The following KDM5A variants were observed in gnomAD, a reference collection of about 807,000 sequenced individuals.
KDM5A encodes the protein lysine demethylase 5A.
In KDM5A, 42 loss-of-function variants were observed where a neutral mutation model predicts 193.5. That is an observed-to-expected ratio of 0.22 (90% CI 0.17 to 0.28). The LOEUF (loss-of-function observed/expected upper bound fraction) is 0.28. Among genes scored for constraint, KDM5A ranks in the 10% least tolerant of loss-of-function variants. The probability of loss-of-function intolerance (pLI) is 1.00; values close to 1 mark genes in which losing one functional copy is unlikely to be tolerated. For missense variants in KDM5A, 1,692 were observed against 2,055.1 expected (o/e 0.82, Z 3.42); for synonymous variants, 796 against 718.1 (o/e 1.11, Z -1.73).
In KDM5A at chr12:307,096, A is replaced by C; in HGVS notation, c.3931-7T>G. The C allele has an allele frequency of 2.5e-6, 4 of 1,614,170 alleles. No individual in the cohort carries two copies. Among genetic ancestry groups the C allele is most frequent in the Non-Finnish European group, 3.4e-6 (4 of 1,180,014 alleles). On this transcript the variant is annotated splice_region_variant and splice_polypyrimidine_tract_variant and intron_variant, in intron 23 of 27. Transcript: ENST00000399788. The surrounding 1 kb of genome is among the most constrained non-coding windows in gnomAD (Gnocchi z 4.3). Reference sequence around the variant, plus strand: ...GGAAACTAGGTAAGTGTCCCTAAACAACAAATAATTCCAAGATGAACAGCA... The same window carrying C: ...GGAAACTAGGTAAGTGTCCCTAAACCACAAATAATTCCAAGATGAACAGCA...
chr12:323,210 C>CAAAAAAAAA lies in KDM5A; in HGVS notation c.2151-13_2151-5dup, dbSNP rs60377454. On this transcript the variant is annotated splice_region_variant and splice_polypyrimidine_tract_variant and intron_variant, in intron 15 of 27. Transcript: ENST00000399788. Reference sequence around the variant, plus strand: ...GTCTTCTAATGGGTAGCGATATCTACAAAAAAAAAAAAAAAAAAAAAAAAA... The same window carrying CAAAAAAAAA: ...GTCTTCTAATGGGTAGCGATATCTACAAAAAAAAAAAAAAAAAAAAAAAAAAAAAAAAAA... The CAAAAAAAAA allele has an allele frequency of 6.3e-3, 1,862 of 296,818 alleles. 75 individuals carry two copies. The highest frequency in any genetic ancestry group is 0.015 in the Admixed American group (117 of 7,906). The allele number at this position is 296,818 out of a possible 1,614,324, so 18.4% of individuals were successfully genotyped here.
In KDM5A at chr12:389,229, C is replaced by T; in HGVS notation, c.-138G>A. The T allele has an allele frequency of 2.4e-6, 2 of 845,566 alleles. No homozygotes were observed. Among genetic ancestry groups the T allele is most frequent in the Non-Finnish European group, 4.0e-6 (2 of 497,780 alleles). The allele number at this position is 845,566 out of a possible 1,614,324, so 52.4% of individuals were successfully genotyped here. ...GGACAAGAACCGTTCAACACAGAAACCCCAGAATCGCTTCCTCCTCCCGTT... is the reference window on the plus strand; with the variant it reads ...GGACAAGAACCGTTCAACACAGAAATCCCAGAATCGCTTCCTCCTCCCGTT... On this transcript the variant is annotated 5_prime_UTR_variant, in exon 1 of 28. Coordinates refer to ENST00000399788, the MANE Select transcript of KDM5A (RefSeq NM_001042603.3).
intron 14 of KDM5A, among the ~76,000 whole-genome samples, chr12:326,886 A>G (rs1033366716): frequency 7.3e-5 from 11 of 150,662 alleles, no homozygotes; most frequent in Middle Eastern, 3.4e-3. Flanking sequence ...AAAAAAAAAA[A>G]AAAAAGAAAA....
chr12:344,508 G>A (rs557315478), intron 10 of KDM5A, among the ~76,000 whole-genome samples: 12 of 152,326 alleles, frequency 7.9e-5, no homozygotes, highest in African/African-American at 2.4e-4. Flanking sequence ...GTTAAGGGCA[G>A]CCAGAGAGAA....
chr12:381,532 G>C (rs1353231576), intron 3 of KDM5A, among the ~76,000 whole-genome samples: 2 of 152,002 alleles, frequency 1.3e-5, no homozygotes, highest in African/African-American at 4.8e-5. Flanking sequence ...TTTCAAAAAA[G>C]CATTCTTAAG....
intron 3 of KDM5A, 92 bp from the exon 4 acceptor site, chr12:366,196 G>C: frequency 1.8e-6 from 2 of 1,127,824 alleles, no homozygotes; most frequent in Admixed American, 4.2e-5. Flanking sequence ...AAATTATTCA[G>C]GGCTTAAATT....
intron 3 of KDM5A, among the ~76,000 whole-genome samples, chr12:367,638 G>A (rs547846292): frequency 6.6e-6 from 1 of 152,064 alleles, no homozygotes. Flanking sequence ...GGAGGCAAAG[G>A]TTGCAGTTAG....
In KDM5A at chr12:331,720, C is replaced by T. The variant is rs1283024575; in HGVS notation, c.1773+99G>A. 4 of 1,368,552 alleles carry T rather than the reference C, an allele frequency of 2.9e-6. No homozygotes were observed. In the Admixed American group the frequency reaches 6.8e-5, roughly 23 times the overall value. The allele number at this position is 1,368,552 out of a possible 1,614,324, so 84.8% of individuals were successfully genotyped here. A position where few individuals can be genotyped will look rare whatever the true frequency, so the allele number is the denominator to read the frequency against. Reference sequence around the variant, plus strand: ...CAGTCTCCACTAAAATACTGATGAACCCGACCCTGAGCCCAGCTAAGCAAA... The same window carrying T: ...CAGTCTCCACTAAAATACTGATGAATCCGACCCTGAGCCCAGCTAAGCAAA... On this transcript the variant is annotated intron_variant, in intron 13 of 27. Transcript: ENST00000399788.
chr12:358,526 T>A (rs1798903221), intron 5 of KDM5A, among the ~76,000 whole-genome samples: 1 of 152,218 alleles, frequency 6.6e-6, no homozygotes, highest in South Asian at 2.1e-4. Context: ...ATATGCCATA[T>A]CTAAGTACTT....
intron 13 of KDM5A, among the ~76,000 whole-genome samples, chr12:330,085 G>GTGTGTGTGTGTGTGTATATATATATA (rs377271333): frequency 3.1e-3 from 425 of 139,326 alleles, no homozygotes; most frequent in Middle Eastern, 7.2e-3. Flanking sequence ...GTGTGTGTGT[G>GTGTGTGTGTGTGTGTATATATATATA]TATATATATA....
In KDM5A at chr12:375,348, T is replaced by C. The variant is rs181195863; in HGVS notation, c.366+8683A>G. The stretch of plus-strand genomic sequence containing the variant: ...GATCTTCAATCACTGATACCCTTTC[T>C]TCCAAATGATCAAATTGGCTACTGA... On this transcript the variant is annotated intron_variant, in intron 3 of 27. Coordinates refer to ENST00000399788, the MANE Select transcript of KDM5A (RefSeq NM_001042603.3). 1.1e-3 allele frequency among the ~76,000 whole-genome samples: 169 copies of C among 152,372 alleles called. 2 individuals are homozygous for C. The highest frequency in any genetic ancestry group is 3.6e-3 in the Admixed American group (55 of 15,300).
At chr12:353,718 C>T (rs768077862) in intron 8 of KDM5A, among the ~76,000 whole-genome samples, 3 of 151,862 alleles carry the variant, frequency 2.0e-5, no homozygotes, top group Non-Finnish European at 2.9e-5. Context: ...GTCAAGAGAC[C>T]GAGACTATCC....
At chr12:325,729 C>T (rs921301933) in intron 14 of KDM5A, among the ~76,000 whole-genome samples, 7 of 149,768 alleles carry the variant, frequency 4.7e-5, no homozygotes, top group African/African-American at 7.4e-5. Context: ...ATGAAGGAAA[C>T]GAGGCCAGGT....
chr12:306,851 T>G, intron 24 of KDM5A, 95 bp downstream of exon 24: 1 of 1,199,002 alleles, frequency 8.3e-7, no homozygotes, highest in Non-Finnish European at 1.2e-6. Context: ...CTCTTTCACT[T>G]TCAGGCCTCA....
At chr12:286,191 G>A (rs751325063) in intron 27 of KDM5A, 5 of 506,198 alleles carry the variant, frequency 9.9e-6, no homozygotes, top group Admixed American at 2.1e-5. Flanking sequence ...CTCTTCTTCC[G>A]TTACAAATAC....
intron 3 of KDM5A, among the ~76,000 whole-genome samples, chr12:378,188 C>A (rs1233838087): frequency 2.0e-5 from 3 of 151,966 alleles, no homozygotes; most frequent in African/African-American, 7.3e-5. Flanking sequence ...AAATCAGAAA[C>A]AGCTAAAAGA....
chr12:345,643 T>C (rs944063465), intron 10 of KDM5A, among the ~76,000 whole-genome samples: 1 of 152,062 alleles, frequency 6.6e-6, no homozygotes, highest in African/African-American at 2.4e-5. Context: ...CATGGAAACT[T>C]AACAACCTGC....
Position 292,889 on chromosome 12 carries a change from C to T in KDM5A, c.4736G>A (p.Ser1579Asn). 6.2e-7 allele frequency: 1 copy of T among 1,614,176 alleles called. No individual in the cohort carries two copies. The highest frequency in any genetic ancestry group is 8.5e-7 in the Non-Finnish European group (1 of 1,180,028). The part of the protein sequence containing the change: ...AAAKVELVKE[S>N]TEKKREKKVL... ...CTTTTTCTCTCTTTTCTTTTCAGTG[C>T]TCTCTTTCACAAGTTCAACTTTGGC... Residue 1579 changes from serine (S) to asparagine (N), a missense_variant, in exon 27 of 28, where the codon AGC becomes AAC. Physicochemically the swap from Ser to Asn is conservative, Grantham distance 46 (BLOSUM62 1). Around this residue, in one of 11 missense-constraint regions of KDM5A, gnomAD observed 965 missense variants for 1,061.0 expected, o/e 0.91. Coordinates refer to ENST00000399788, the MANE Select transcript of KDM5A (RefSeq NM_001042603.3).
chr12:360,504 AAGGAC>A (rs1367320855), intron 5 of KDM5A, among the ~76,000 whole-genome samples: 2 of 152,202 alleles, frequency 1.3e-5, no homozygotes, highest in Admixed American at 1.3e-4. Flanking sequence ...TCTCAATTTC[AAGGAC>A]AGGAGTCACC....
Sources: gnomAD v4.1 joint callset for allele counts (sites outside exome capture counted in the v4.1 genomes callset) on GRCh38, gnomAD v4.1.1 for gene constraint, gnomAD v4.1.1 regional missense constraint, Gnocchi (gnomAD v3.1) non-coding constraint, MANE v1.5 for transcripts, NCBI Gene and HGNC (gene_info 2026-07-23, HGNC 2026-07-21) for gene names.